AAK1: variants seen among roughly 807,000 people sequenced by gnomAD.
The protein encoded by AAK1 is AP2 associated kinase 1, also known as AP2-associated protein kinase 1.
In AAK1, 37 loss-of-function variants were observed where a neutral mutation model predicts 116.0. That is an observed-to-expected ratio of 0.32 (90% CI 0.25 to 0.42). The LOEUF is 0.42. Among genes scored for constraint, AAK1 ranks in the 10% least tolerant of loss-of-function variants. The pLI is 1.00. For missense variants in AAK1, 919 were observed against 1,170.6 expected (o/e 0.79, Z 3.14); for synonymous variants, 458 against 439.9 (o/e 1.04, Z -0.51).
At chr2:69,603,740 A>AATCATCATC (rs144591529) in intron 2 of AAK1, among the ~76,000 whole-genome samples, 1 of 151,734 alleles carries the variant, frequency 6.6e-6, no homozygotes, top group African/African-American at 2.4e-5. Flanking sequence ...GCAGAATTAA[A>AATCATCATC]ATCATCATCA....
At chr2:69,589,708 C>CAAA (rs762986666) in intron 2 of AAK1, among the ~76,000 whole-genome samples, 10 of 58,628 alleles carry the variant, frequency 1.7e-4, no homozygotes, top group East Asian at 3.9e-4. Flanking sequence ...AACTCTGTCT[C>CAAA]AAAAAAAAAA....
intron 2 of AAK1, among the ~76,000 whole-genome samples, chr2:69,563,142 G>A (rs1255785999): frequency 6.6e-6 from 1 of 152,132 alleles, no homozygotes; most frequent in Non-Finnish European, 1.5e-5. Context: ...TCAGCAATGG[G>A]GCTTTGGAAG....
Position 69,466,622 on chromosome 2 carries a change from C to T in AAK1, c.*9247G>A, listed in dbSNP as rs1374991155. ...TCTATTTGGAACATTTAATGGTCAA[C>T]CCGCGGCAAAAACATTGTGGGACCA... On this transcript the variant is annotated 3_prime_UTR_variant, in exon 22 of 22. Coordinates refer to ENST00000409085, the MANE Select transcript of AAK1 (RefSeq NM_014911.5). The T allele has an allele frequency of 9.2e-7, 1 of 1,088,322 alleles. No homozygotes were observed. Among genetic ancestry groups the T allele is most frequent in the African/African-American group, 1.7e-5 (1 of 59,944 alleles). 67.4% of individuals were successfully genotyped at this position (1,088,322 alleles called of 1,614,324 possible). A position where few individuals can be genotyped will look rare whatever the true frequency, so the allele number is the denominator to read the frequency against.
intron 13 of AAK1, 83 bp from the exon 14 acceptor site, chr2:69,509,543 A>C (rs1044289459): frequency 2.5e-6 from 3 of 1,215,594 alleles, no homozygotes; most frequent in African/African-American, 3.1e-5. Flanking sequence ...TGTAACAACA[A>C]CAACAAAAAA....
intron 13 of AAK1, among the ~76,000 whole-genome samples, chr2:69,510,338 T>C (rs1676346139): frequency 1.3e-5 from 2 of 152,202 alleles, no homozygotes; most frequent in African/African-American, 4.8e-5. Flanking sequence ...CTAAGGATAA[T>C]GGCCTCCAGC....
chr2:69,467,715 C>T lies in AAK1; in HGVS notation c.*8154G>A, dbSNP rs1674535706. 1.0e-6 allele frequency: 1 copy of T among 985,388 alleles called. No individual in the cohort carries two copies. The highest frequency in any genetic ancestry group is 1.2e-6 in the Non-Finnish European group (1 of 829,932). 61.0% of individuals were successfully genotyped at this position (985,388 alleles called of 1,614,324 possible). A position where few individuals can be genotyped will look rare whatever the true frequency, so the allele number is the denominator to read the frequency against. On this transcript the variant is annotated 3_prime_UTR_variant, in exon 22 of 22. Transcript: ENST00000409085. Reference sequence around the variant, plus strand: ...CCCTCCTATGCAAACCATTAGCTAGCAGAAATTTCTGCCAAAAATTATCCC... The same window carrying T: ...CCCTCCTATGCAAACCATTAGCTAGTAGAAATTTCTGCCAAAAATTATCCC...
intron 17 of AAK1, among the ~76,000 whole-genome samples, chr2:69,483,376 A>G (rs1675168865): frequency 6.6e-6 from 1 of 152,128 alleles, no homozygotes; most frequent in Non-Finnish European, 1.5e-5. Context: ...TTTGAGATGA[A>G]AGTCATCCGT....
intron 7 of AAK1, 81 bp downstream of exon 7, chr2:69,530,544 T>C (rs932613682): frequency 1.6e-5 from 19 of 1,191,668 alleles, no homozygotes; most frequent in African/African-American, 4.5e-5. Context: ...CACCATGCTA[T>C]AGCGCTGTGT....
At chr2:69,538,635 A>G (rs1670577694) in intron 5 of AAK1, among the ~76,000 whole-genome samples, 2 of 152,366 alleles carry the variant, frequency 1.3e-5, no homozygotes, top group Admixed American at 6.5e-5. Context: ...TAATCCCAGC[A>G]CTTTGGGAGG....
intron 3 of AAK1, among the ~76,000 whole-genome samples, chr2:69,547,936 A>G (rs563614298): frequency 6.6e-6 from 1 of 152,234 alleles, no homozygotes; most frequent in Non-Finnish European, 1.5e-5. Flanking sequence ...ATGCTATGAC[A>G]TGTATCAAGG....
intron 2 of AAK1, among the ~76,000 whole-genome samples, chr2:69,558,357 G>A (rs1671482537): frequency 7.0e-6 from 1 of 143,006 alleles, no homozygotes. Flanking sequence ...AAAAAAAAAT[G>A]TATATAACTC....
At chr2:69,518,900 T>C in intron 12 of AAK1, 54 bp downstream of exon 12, 1 of 1,478,074 alleles carries the variant, frequency 6.8e-7, no homozygotes, top group Non-Finnish European at 9.0e-7. Context: ...TAGTGGGCCT[T>C]TTCACAGTCA....
At chr2:69,622,370 A>C (rs1674683866) in intron 2 of AAK1, among the ~76,000 whole-genome samples, 2 of 125,164 alleles carry the variant, frequency 1.6e-5, no homozygotes, top group African/African-American at 3.0e-5. Flanking sequence ...GACGAGCGCC[A>C]CCCCCTGCTC....
At chr2:69,511,060 T>C (rs1676376663) in intron 13 of AAK1, among the ~76,000 whole-genome samples, 1 of 152,162 alleles carries the variant, frequency 6.6e-6, no homozygotes, top group Non-Finnish European at 1.5e-5. Context: ...ACCCAACCCC[T>C]TTCCTTTACA....
At chr2:69,561,448 T>C (rs187145456) in intron 2 of AAK1, among the ~76,000 whole-genome samples, 2 of 152,334 alleles carry the variant, frequency 1.3e-5, no homozygotes, top group East Asian at 3.9e-4. Flanking sequence ...ATTCACACAA[T>C]GACTGAATAA....
In AAK1 at chr2:69,466,015, C is replaced by G. The variant is rs1354378532; in HGVS notation, c.*9854G>C. On this transcript the variant is annotated 3_prime_UTR_variant, in exon 22 of 22. Transcript: ENST00000409085. ...GCTCTCAAAAACACGTCTGACTCCT[C>G]TGGCTGGGAAGGAGCCATACTGCTC... 7 of 1,290,936 alleles carry G rather than the reference C, an allele frequency of 5.4e-6. No homozygotes were observed. In the Admixed American group the frequency reaches 1.6e-4, roughly 30 times the overall value. 80.0% of individuals were successfully genotyped at this position (1,290,936 alleles called of 1,614,324 possible). A position where few individuals can be genotyped will look rare whatever the true frequency, so the allele number is the denominator to read the frequency against.
At chr2:69,572,173 G>A (rs1283822577) in intron 2 of AAK1, among the ~76,000 whole-genome samples, 3 of 152,186 alleles carry the variant, frequency 2.0e-5, no homozygotes, top group Admixed American at 1.3e-4. Flanking sequence ...AGGGTGAGGG[G>A]AGTGAGGCAC....
chr2:69,466,194 A>G lies in AAK1; in HGVS notation c.*9675T>C, dbSNP rs2104860254. ...AAACTGGTTCTTTCTTCCACCTTGC[A>G]CTGTCTTTGCTTGCTCAGGAGAGAC... On this transcript the variant is annotated 3_prime_UTR_variant, in exon 22 of 22. Transcript: ENST00000409085. 7.8e-7 allele frequency: 1 copy of G among 1,289,768 alleles called. No individual in the cohort carries two copies. Among genetic ancestry groups the G allele is most frequent in the Non-Finnish European group, 1.0e-6 (1 of 988,856 alleles). 79.9% of individuals were successfully genotyped at this position (1,289,768 alleles called of 1,614,324 possible).
At position 69,544,491 on chromosome 2, in the gene AAK1, G is replaced by A. The variant is rs948013195; in HGVS notation, c.336C>T (p.Asn112=). The change falls in exon 4 of 22, where the codon AAC becomes AAT. Residue 112 remains asparagine, a synonymous_variant. Transcript: ENST00000409085. ...CCCATACATCACCGCTACTCACGTT[G>A]TTGATACTAGAATCAATGTAACCCA... ...NIVGYIDSSI[N]NVSSGDVWEV... 4.3e-6 allele frequency: 7 copies of A among 1,613,706 alleles called. No homozygotes were observed. The highest frequency in any genetic ancestry group is 5.9e-6 in the Non-Finnish European group (7 of 1,179,800).
Sources: gnomAD v4.1 joint callset for allele counts (sites outside exome capture counted in the v4.1 genomes callset) on GRCh38, gnomAD v4.1.1 for gene constraint, MANE v1.5 for transcripts, NCBI Gene and HGNC (gene_info 2026-07-23, HGNC 2026-07-21) for gene names.